Variants in OSBPL3 observed in about 807,000 individuals in gnomAD.
The protein encoded by OSBPL3 is oxysterol-binding protein-related protein 3.
OSBPL3 carries 65 observed loss-of-function variants against 120.1 expected under a neutral mutation model. The ratio of observed to expected loss-of-function variants is 0.54; its 90% CI spans 0.44 to 0.67. The LOEUF (loss-of-function observed/expected upper bound fraction) is 0.67. Among genes scored for constraint, OSBPL3 ranks in the 30% least tolerant of loss-of-function variants. OSBPL3 has a pLI of 0.00. For synonymous variants in OSBPL3, 416 were observed against 402.6 expected (o/e 1.03, Z -0.40); for missense variants, 1,004 against 1,082.1 (o/e 0.93, Z 1.01).
chr7:24,973,500 G>C (rs75656980), intron 1 of OSBPL3, among the ~76,000 whole-genome samples: 4,976 of 152,172 alleles, frequency 0.033, 139 homozygotes, highest in Non-Finnish European at 0.053. Flanking sequence ...TCAATTTCAG[G>C]GGTACAAACA....
rs1563015548 is a variant in OSBPL3, at chr7:24,962,422, AGGGGAGAGGAGAGAGGAGGAGAGAG to A, written c.-150+17439_-150+17463del. 9.3e-5 allele frequency among the ~76,000 whole-genome samples: 8 copies of A among 86,016 alleles called. No individual in the cohort carries two copies. In the South Asian group the frequency reaches 2.4e-3, roughly 26 times the overall value. 56.4% of individuals were successfully genotyped at this position (86,016 alleles called of 152,430 possible). A position where few individuals can be genotyped will look rare whatever the true frequency, so the allele number is the denominator to read the frequency against. ...GGGAGGGCAGAAGGGAGGGGAGGGG[AGGGGAGAGGAGAGAGGAGGAGAGAG>A]GAGGAGAGAGGAGGAGAGAGGAGGA... On this transcript the variant is annotated intron_variant, in intron 1 of 22. Transcript: ENST00000313367.
chr7:24,950,553 T>G (rs1018604439), intron 1 of OSBPL3, among the ~76,000 whole-genome samples: 4 of 151,394 alleles, frequency 2.6e-5, no homozygotes, highest in Non-Finnish European at 5.9e-5. Context: ...AAACCCCGTC[T>G]CTACTAAAAA....
intron 11 of OSBPL3, among the ~76,000 whole-genome samples, chr7:24,850,964 G>A (rs17150303): frequency 0.013 from 1,940 of 152,276 alleles, 46 homozygotes; most frequent in African/African-American, 0.044. Context: ...GTGAATATGG[G>A]TGAGAATGAA....
Position 24,820,183 on chromosome 7 carries a change from A to G in OSBPL3, c.1940T>C (p.Phe647Ser). The G allele has an allele frequency of 1.2e-6, 2 of 1,610,024 alleles. No individual in the cohort carries two copies. Among genetic ancestry groups the G allele is most frequent in the Non-Finnish European group, 1.7e-6 (2 of 1,176,712 alleles). ...ACHAESRNFV[F>S]WQDVRWKNKF... ...ATGTATTAGCACATTACCTTGCCAG[A>G]AAACAAAATTTCTAGACTCAGCATG... The change falls in exon 17 of 23, where the codon TTC (phenylalanine) becomes TCC (serine). Residue 647 changes from phenylalanine (F) to serine (S), a missense_variant. Transcript: ENST00000313367. The surrounding 1 kb of genome is among the most constrained non-coding windows in gnomAD (Gnocchi z 4.6).
In OSBPL3 at chr7:24,871,670, C is replaced by T. The variant is rs1303083887; in HGVS notation, c.267+72G>A. The T allele has an allele frequency of 1.8e-6, 2 of 1,095,894 alleles. No homozygotes were observed. Among genetic ancestry groups the T allele is most frequent in the East Asian group, 2.3e-5 (1 of 42,554 alleles). 67.9% of individuals were successfully genotyped at this position (1,095,894 alleles called of 1,614,324 possible). ...GAAAAGCTATCCTCAACTATACACA[C>T]TCTCATCTCTGAGCTGATGGTTACC... On this transcript the variant is annotated intron_variant, in intron 4 of 22. Transcript: ENST00000313367. This position sits in a 1 kb window ranked among gnomAD's most constrained non-coding sequence, Gnocchi z 4.8.
intron 1 of OSBPL3, among the ~76,000 whole-genome samples, chr7:24,893,512 A>G (rs1805662128): frequency 6.6e-6 from 1 of 152,138 alleles, no homozygotes; most frequent in South Asian, 2.1e-4. Flanking sequence ...TTGGTGTGAT[A>G]AGAATATTCT....
At chr7:24,977,443 T>C (rs1445792376) in intron 1 of OSBPL3, among the ~76,000 whole-genome samples, 1 of 152,200 alleles carries the variant, frequency 6.6e-6, no homozygotes. Context: ...AGTCAGACTA[T>C]TAAAAAATCT....
rs1352850779 is a variant in OSBPL3 at position 24,946,050 on chromosome 7, G to T, written c.-150+33836C>A. Among the ~76,000 whole-genome samples, 1 of 152,144 alleles carries T rather than the reference G, an allele frequency of 6.6e-6. No individual in the cohort carries two copies. Among genetic ancestry groups the T allele is most frequent in the Non-Finnish European group, 1.5e-5 (1 of 68,032 alleles). On this transcript the variant is annotated intron_variant, in intron 1 of 22. Coordinates refer to ENST00000313367, the MANE Select transcript of OSBPL3 (RefSeq NM_015550.4). This position sits in a 1 kb window ranked among gnomAD's most constrained non-coding sequence, Gnocchi z 4.3. Reference sequence around the variant, plus strand: ...ATGCCAGGTGGGGCTGGAGCTAGGTGGGGCTAGAGTCATCTGAAGGCTCAG... The same window carrying T: ...ATGCCAGGTGGGGCTGGAGCTAGGTTGGGCTAGAGTCATCTGAAGGCTCAG...
chr7:24,961,947 C>T (rs1431110092), intron 1 of OSBPL3, among the ~76,000 whole-genome samples: 3 of 152,192 alleles, frequency 2.0e-5, no homozygotes, highest in East Asian at 3.8e-4. Context: ...AAAGGACAGA[C>T]ATACATTATT....
At position 24,930,039 on chromosome 7, in the gene OSBPL3, C is replaced by T. The variant is rs543007658; in HGVS notation, c.-149-37418G>A. The stretch of plus-strand genomic sequence containing the variant: ...AAGGGTAAAGTAAAGGTGAAGGCAT[C>T]GTTAATGATAAAGGAAGGAAAATAT... On this transcript the variant is annotated intron_variant, in intron 1 of 22. Transcript: ENST00000313367. This position sits in a 1 kb window ranked among gnomAD's most constrained non-coding sequence, Gnocchi z 4.4. Among the ~76,000 whole-genome samples the T allele has an allele frequency of 2.6e-5, 4 of 152,104 alleles. No individual in the cohort carries two copies. Among genetic ancestry groups the T allele is most frequent in the South Asian group, 2.1e-4 (1 of 4,816 alleles).
chr7:24,924,794 C>A (rs997185848), intron 1 of OSBPL3, among the ~76,000 whole-genome samples: 7 of 152,302 alleles, frequency 4.6e-5, no homozygotes, highest in African/African-American at 1.4e-4. Flanking sequence ...AGATGCCCAA[C>A]AAGTTTCCCT....
At chr7:24,840,154 AG>A (rs10711892) in intron 14 of OSBPL3, among the ~76,000 whole-genome samples, 64,370 of 151,700 alleles carry the variant, frequency 0.42, 13,849 homozygotes, top group East Asian at 0.58. Flanking sequence ...ATAAAATCCT[AG>A]GGGGTGGGGT....
At chr7:24,919,148 T>C (rs1022812858) in intron 1 of OSBPL3, among the ~76,000 whole-genome samples, 2 of 152,148 alleles carry the variant, frequency 1.3e-5, no homozygotes, top group Non-Finnish European at 2.9e-5. Context: ...GACTTCATAA[T>C]GACAAAGAAA....
Position 24,834,227 on chromosome 7 carries a change from A to C in OSBPL3, c.1746+259T>G. On this transcript the variant is annotated intron_variant, in intron 15 of 22. Transcript: ENST00000313367. This position sits in a 1 kb window ranked among gnomAD's most constrained non-coding sequence, Gnocchi z 5.2. ...CCAGAAGGCTTCTGGAGAAAGAGGA[A>C]GCACAAACCCACAGAACAGAACTAC... The C allele has an allele frequency of 8.4e-7, 1 of 1,195,580 alleles. No individual in the cohort carries two copies. Among genetic ancestry groups the C allele is most frequent in the Non-Finnish European group, 1.0e-6 (1 of 953,350 alleles). The allele number at this position is 1,195,580 out of a possible 1,614,324, so 74.1% of individuals were successfully genotyped here. A position where few individuals can be genotyped will look rare whatever the true frequency, so the allele number is the denominator to read the frequency against.
chr7:24,814,965 G>T, intron 19 of OSBPL3, 94 bp downstream of exon 19: 1 of 1,229,780 alleles, frequency 8.1e-7, no homozygotes, highest in Non-Finnish European at 1.2e-6. Context: ...GCATAAAGGT[G>T]AAGGCGAAAA....
intron 1 of OSBPL3, among the ~76,000 whole-genome samples, chr7:24,897,927 T>C (rs536574410): frequency 2.6e-5 from 4 of 152,328 alleles, no homozygotes; most frequent in South Asian, 2.1e-4. Context: ...TTTGCTTCCA[T>C]AGTTGGAAAC....
chr7:24,815,059 C>G lies in OSBPL3; in HGVS notation c.2172G>C (p.Lys724Asn), dbSNP rs1322405367. Residue 724 changes from lysine (K) to asparagine (N), a missense_variant and splice_region_variant, in exon 19 of 23, where the codon AAG becomes AAC. By Grantham distance (94) the Lys-to-Asn change is moderately conservative. Around this residue, in one of 4 missense-constraint regions of OSBPL3, gnomAD observed 473 missense variants for 568.0 expected, o/e 0.83. Coordinates refer to ENST00000313367, the MANE Select transcript of OSBPL3 (RefSeq NM_015550.4). The surrounding 1 kb of genome is among the most constrained non-coding windows in gnomAD (Gnocchi z 5.1). ...GAGCTCAGAGAGTCACTGGAGTTAC[C>G]TTTATAAAATTCACTTTGCAGTAGC... ...DSCYCKVNFIKAKYWSTNAHE... is the reference protein window; with the variant it reads ...DSCYCKVNFINAKYWSTNAHE... 1 of 1,614,036 alleles carries G rather than the reference C, an allele frequency of 6.2e-7. No homozygotes were observed. The highest frequency in any genetic ancestry group is 1.1e-5 in the South Asian group (1 of 91,072).
intron 1 of OSBPL3, among the ~76,000 whole-genome samples, chr7:24,941,208 T>C (rs1049408460): frequency 6.6e-6 from 1 of 152,178 alleles, no homozygotes; most frequent in Non-Finnish European, 1.5e-5. Flanking sequence ...AATGTTGCCC[T>C]GAACCCTGGG....
chr7:24,882,466 T>C (rs189906213), intron 2 of OSBPL3, among the ~76,000 whole-genome samples: 1 of 152,184 alleles, frequency 6.6e-6, no homozygotes, highest in Admixed American at 6.5e-5. Context: ...CAGTATTCCA[T>C]GTGTGTATAT....
Sources: allele counts gnomAD v4.1 joint callset (sites outside exome capture counted in the v4.1 genomes callset), GRCh38; gene constraint gnomAD v4.1.1; regional missense constraint gnomAD v4.1.1; non-coding constraint Gnocchi (gnomAD v3.1); transcripts MANE v1.5; gene names NCBI Gene and HGNC (gene_info 2026-07-23, HGNC 2026-07-21).